The following PRORP variants were observed in gnomAD, a reference collection of about 807,000 sequenced individuals.
The protein encoded by PRORP is mitochondrial ribonuclease P catalytic subunit.
PRORP carries 51 observed loss-of-function variants against 59.4 expected under a neutral mutation model. That is an observed-to-expected ratio of 0.86 (90% confidence interval 0.69 to 1.08). The LOEUF is 1.08. PRORP is among the 50% of genes least tolerant of loss of function. PRORP has a pLI of 0.00. For missense variants in PRORP, 646 were observed against 690.3 expected (o/e 0.94, Z 0.72); for synonymous variants, 231 against 245.6 (o/e 0.94, Z 0.55).
rs2051279526 is a variant in PRORP, at chr14:35,275,236, A to G, written c.*1670A>G. Reference sequence around the variant, plus strand: ...ATGACAATATACCTCAAAGTAAGTTAGGGTAAGAAAAGATAATTACTTACA... The same window carrying G: ...ATGACAATATACCTCAAAGTAAGTTGGGGTAAGAAAAGATAATTACTTACA... On this transcript the variant is annotated 3_prime_UTR_variant, in exon 8 of 8. Coordinates refer to ENST00000534898, the MANE Select transcript of PRORP (RefSeq NM_014672.4). The G allele has an allele frequency of 6.6e-6, 1 of 152,226 alleles. No individual in the cohort carries two copies. Among genetic ancestry groups the G allele is most frequent in the African/African-American group, 2.4e-5 (1 of 41,458 alleles). The allele number at this position is 152,226 out of a possible 1,614,324, so 9.4% of individuals were successfully genotyped here.
intron 5 of PRORP, among the ~76,000 whole-genome samples, chr14:35,265,312 T>C (rs1444740174): frequency 6.6e-6 from 1 of 152,258 alleles, no homozygotes; most frequent in Non-Finnish European, 1.5e-5. Flanking sequence ...AGATCTTTTA[T>C]ATTTCTGATA....
chr14:35,254,453 C>T (rs770976997), intron 5 of PRORP, among the ~76,000 whole-genome samples: 8 of 152,072 alleles, frequency 5.3e-5, no homozygotes, highest in South Asian at 2.1e-4. Flanking sequence ...AGTGCAATGA[C>T]GCAATCTCAG....
chr14:35,201,954 C>T (rs28549180), intron 5 of PRORP, among the ~76,000 whole-genome samples: 5 of 149,444 alleles, frequency 3.3e-5, no homozygotes, highest in East Asian at 2.0e-4. Context: ...CACCGTGCCC[C>T]GCCACAAAAT....
At position 35,180,785 on chromosome 14, in the gene PRORP, TAA is replaced by T; in HGVS notation, c.1275+9_1275+10del. 1 of 1,520,274 alleles carries T rather than the reference TAA, an allele frequency of 6.6e-7. No homozygotes were observed. The highest frequency in any genetic ancestry group is 9.1e-7 in the Non-Finnish European group (1 of 1,096,058). The allele number at this position is 1,520,274 out of a possible 1,614,324, so 94.2% of individuals were successfully genotyped here. ...GTTCGTGAATCTCAACTTGTAAGTA[TAA>T]GTTTTACTTTGTTATTCCACATCTC... is the stretch of plus-strand genomic sequence containing the variant. On this transcript the variant is annotated intron_variant, in intron 5 of 7. Coordinates refer to ENST00000534898, the MANE Select transcript of PRORP (RefSeq NM_014672.4).
chr14:35,183,768 C>G (rs560625640), intron 5 of PRORP, among the ~76,000 whole-genome samples: 4 of 152,288 alleles, frequency 2.6e-5, no homozygotes, highest in African/African-American at 9.6e-5. Flanking sequence ...GTTTCAGCCA[C>G]TCACCTATGC....
intron 4 of PRORP, among the ~76,000 whole-genome samples, chr14:35,175,100 C>T (rs1595243059): frequency 6.6e-6 from 1 of 152,120 alleles, no homozygotes; most frequent in East Asian, 1.9e-4. Context: ...GCATAGGATT[C>T]CATGGTGTAT....
upstream of PRORP, chr14:35,121,971 G>A (rs751129221): frequency 6.2e-7 from 1 of 1,614,126 alleles, no homozygotes; most frequent in Non-Finnish European, 8.5e-7. Context: ...GCCGACTTCC[G>A]CGCAGCAGCT....
rs57781321 is a variant in PRORP at position 35,168,696 on chromosome 14, G to T, written c.1168-11974G>T. The stretch of plus-strand genomic sequence containing the variant: ...TTTCCTTATGATAAGATTCAGGTTG[G>T]TATTTTTGGCAAGAATGTTACAGAA... On this transcript the variant is annotated intron_variant, in intron 4 of 7. Transcript: ENST00000534898. Among the ~76,000 whole-genome samples the T allele has an allele frequency of 1.7e-3, 258 of 152,166 alleles. 9 individuals are homozygous for T. In the East Asian group the frequency reaches 0.042, roughly 25 times the overall value.
intron 4 of PRORP, among the ~76,000 whole-genome samples, chr14:35,151,951 T>TA (rs1244668323): frequency 4.3e-5 from 5 of 117,408 alleles, no homozygotes; most frequent in African/African-American, 1.2e-4. Flanking sequence ...TTTTTTTTTT[T>TA]ATTGATCATT....
rs189260272 is a variant in PRORP, at chr14:35,200,392, A to G, written c.1275+19615A>G. On this transcript the variant is annotated intron_variant, in intron 5 of 7. Transcript: ENST00000534898. Reference sequence around the variant, plus strand: ...TTTTTAGTAGAGGCAGGGTTTTACTATCTTGGCCAGGCTGGTCTTGAACTC... The same window carrying G: ...TTTTTAGTAGAGGCAGGGTTTTACTGTCTTGGCCAGGCTGGTCTTGAACTC... Among the ~76,000 whole-genome samples the G allele has an allele frequency of 5.9e-4, 90 of 152,178 alleles. 3 individuals carry two copies. The East Asian group carries it at 0.015, about 25-fold the overall frequency.
chr14:35,248,397 G>A lies in PRORP; in HGVS notation c.1276-18330G>A, dbSNP rs75795172. Among the ~76,000 whole-genome samples the A allele has an allele frequency of 2.8e-3, 425 of 152,306 alleles. 2 individuals carry two copies. The highest frequency in any genetic ancestry group is 9.8e-3 in the African/African-American group (409 of 41,564). ...CACCACCAGACTTAGAAAGCTTGCA[G>A]CTTACATACCACCTGGTGAAAGTTT... On this transcript the variant is annotated intron_variant, in intron 5 of 7. Coordinates refer to ENST00000534898, the MANE Select transcript of PRORP (RefSeq NM_014672.4).
At chr14:35,174,764 T>C (rs1308724306) in intron 4 of PRORP, among the ~76,000 whole-genome samples, 3 of 145,096 alleles carry the variant, frequency 2.1e-5, no homozygotes, top group Admixed American at 6.9e-5. Context: ...TTTTTTTTTT[T>C]ATTATACTTT....
chr14:35,270,208 C>T (rs1411500831), intron 6 of PRORP, among the ~76,000 whole-genome samples, 193 bp from the exon 7 acceptor site: 3 of 152,220 alleles, frequency 2.0e-5, no homozygotes, highest in Non-Finnish European at 4.4e-5. Flanking sequence ...TTCCCCTCAG[C>T]TTTCCATCTG....
chr14:35,244,087 A>G (rs1245632497), intron 5 of PRORP, among the ~76,000 whole-genome samples: 1 of 152,186 alleles, frequency 6.6e-6, no homozygotes, highest in Non-Finnish European at 1.5e-5. Flanking sequence ...ATCAATCCCC[A>G]TTATTGCTTC....
chr14:35,171,999 G>T (rs2048322028), intron 4 of PRORP, among the ~76,000 whole-genome samples: 1 of 150,576 alleles, frequency 6.6e-6, no homozygotes, highest in Non-Finnish European at 1.5e-5. Flanking sequence ...CTAGTTTACA[G>T]TCTCTGTGGA....
At chr14:35,238,030 T>C (rs901680275) in intron 5 of PRORP, among the ~76,000 whole-genome samples, 3 of 152,104 alleles carry the variant, frequency 2.0e-5, no homozygotes, top group African/African-American at 7.2e-5. Flanking sequence ...CACATAGCCA[T>C]TCTAAGTTAA....
chr14:35,123,452 G>A lies in PRORP; in HGVS notation c.207G>A (p.Arg69=). Residue 69 remains arginine (R), a synonymous_variant, in exon 2 of 8, where the codon AGG becomes AGA. Coordinates refer to ENST00000534898, the MANE Select transcript of PRORP (RefSeq NM_014672.4). ...TNLIAKARYL[R]KDEGSNKQVY... Reference sequence around the variant, plus strand: ...TGATTGCCAAGGCCAGATATCTCAGGAAAGATGAGGGCAGTAATAAGCAAG... The same window carrying A: ...TGATTGCCAAGGCCAGATATCTCAGAAAAGATGAGGGCAGTAATAAGCAAG... 1.2e-6 allele frequency: 2 copies of A among 1,614,158 alleles called. No individual in the cohort carries two copies. Among genetic ancestry groups the A allele is most frequent in the Non-Finnish European group, 1.7e-6 (2 of 1,180,032 alleles).
chr14:35,244,982 A>G (rs2138561741), intron 5 of PRORP, among the ~76,000 whole-genome samples: 1 of 152,312 alleles, frequency 6.6e-6, no homozygotes, highest in Non-Finnish European at 1.5e-5. Context: ...AAGCTGAGCA[A>G]GGTCTTTGGT....
At chr14:35,190,720 G>A (rs1292860452) in intron 5 of PRORP, among the ~76,000 whole-genome samples, 1 of 151,952 alleles carries the variant, frequency 6.6e-6, no homozygotes, top group Non-Finnish European at 1.5e-5. Flanking sequence ...TGGCCAGGAT[G>A]GTCTCAATCT....
Sources: allele counts gnomAD v4.1 joint callset (sites outside exome capture counted in the v4.1 genomes callset), GRCh38; gene constraint gnomAD v4.1.1; transcripts MANE v1.5; gene names NCBI Gene and HGNC (gene_info 2026-07-23, HGNC 2026-07-21).